Variants in C1GALT1 observed in about 807,000 individuals in gnomAD.
The protein encoded by C1GALT1 is glycoprotein-N-acetylgalactosamine 3-beta-galactosyltransferase 1.
C1GALT1 carries 11 observed loss-of-function variants against 31.0 expected under a neutral mutation model. The ratio of observed to expected loss-of-function variants is 0.36; its 90% CI spans 0.22 to 0.59. The LOEUF (loss-of-function observed/expected upper bound fraction) is 0.59. C1GALT1 is among the 20% of genes least tolerant of loss of function. The probability of loss-of-function intolerance (pLI) is 0.79; values close to 1 mark genes in which losing one functional copy is unlikely to be tolerated. For missense variants in C1GALT1, 424 were observed against 425.2 expected, an observed-to-expected ratio of 1.00 and a Z score of 0.03; for synonymous variants, 175 against 143.6, an observed-to-expected ratio of 1.22 and a Z score of -1.56.
intron 1 of C1GALT1, among the ~76,000 whole-genome samples, chr7:7,233,035 G>A (rs1252721284): frequency 6.6e-6 from 1 of 152,068 alleles, no homozygotes; most frequent in Non-Finnish European, 1.5e-5. Flanking sequence ...TAATTATCTT[G>A]AGGAATAGGA....
At chr7:7,207,222 G>C (rs73674690) in intron 1 of C1GALT1, among the ~76,000 whole-genome samples, 4 of 150,998 alleles carry the variant, frequency 2.6e-5, no homozygotes, top group African/African-American at 9.7e-5. Context: ...GTCTAGATCT[G>C]CCTTTCAGTC....
intron 2 of C1GALT1, chr7:7,235,424 C>T (rs1583830945): frequency 6.6e-6 from 1 of 152,284 alleles, no homozygotes; most frequent in African/African-American, 2.4e-5. Context: ...CATAAACATA[C>T]TATTACAAAG....
chr7:7,182,718 G>A lies in C1GALT1; in HGVS notation c.-120G>A. On this transcript the variant is annotated 5_prime_UTR_variant, in exon 1 of 4. Coordinates refer to ENST00000436587, the MANE Select transcript of C1GALT1 (RefSeq NM_020156.5). ...GCGGGCGGCCTCGGCTAGCGGCCACGAGCCACTTCTGCGGCTGCCCAGAGA... is the reference window on the plus strand; with the variant it reads ...GCGGGCGGCCTCGGCTAGCGGCCACAAGCCACTTCTGCGGCTGCCCAGAGA... The A allele has an allele frequency of 1.2e-6, 1 of 815,450 alleles. No individual in the cohort carries two copies. The highest frequency in any genetic ancestry group is 1.5e-6 in the Non-Finnish European group (1 of 674,494). 50.5% of individuals were successfully genotyped at this position (815,450 alleles called of 1,614,324 possible).
chr7:7,246,334 A>G lies in C1GALT1; in HGVS notation c.*2607A>G, dbSNP rs1783842748. On this transcript the variant is annotated 3_prime_UTR_variant, in exon 4 of 4. Transcript: ENST00000436587. The stretch of plus-strand genomic sequence containing the variant: ...GTATCAGGCTTGGGGCTATTCATGT[A>G]GCATTATTTCCATTTTTATGTATAT... 1.3e-5 allele frequency: 2 copies of G among 152,176 alleles called. No individual in the cohort carries two copies. The highest frequency in any genetic ancestry group is 2.9e-5 in the Non-Finnish European group (2 of 68,026). The allele number at this position is 152,176 out of a possible 1,614,324, so 9.4% of individuals were successfully genotyped here.
chr7:7,232,163 C>G lies in C1GALT1; in HGVS notation c.-17-2140C>G, dbSNP rs546868492. ...TCCTTCCTTCTTCCAGATTTTGGCC[C>G]TACTAATTCTCACTGCCTTGATATC... On this transcript the variant is annotated intron_variant, in intron 1 of 3. Coordinates refer to ENST00000436587, the MANE Select transcript of C1GALT1 (RefSeq NM_020156.5). 5.3e-5 allele frequency among the ~76,000 whole-genome samples: 8 copies of G among 152,304 alleles called. No homozygotes were observed. In the East Asian group the frequency reaches 1.5e-3, roughly 29 times the overall value.
At chr7:7,229,282 A>G (rs2128246435) in intron 1 of C1GALT1, among the ~76,000 whole-genome samples, 1 of 152,302 alleles carries the variant, frequency 6.6e-6, no homozygotes, top group East Asian at 1.9e-4. Flanking sequence ...AGCAATGGAA[A>G]ACCAAGATCA....
chr7:7,162,101 TC>T (rs1286690480), intron 2 of C1GALT1, among the ~76,000 whole-genome samples: 7 of 151,514 alleles, frequency 4.6e-5, no homozygotes, highest in Non-Finnish European at 5.9e-5. Context: ...TAGCTATTTT[TC>T]TTTTTTTAAA....
At chr7:7,181,237 G>A (rs1172245077), upstream of C1GALT1, among the ~76,000 whole-genome samples, 5 of 151,848 alleles carry the variant, frequency 3.3e-5, no homozygotes, top group Non-Finnish European at 7.4e-5. Flanking sequence ...GAAGGATATT[G>A]CGGAAAGGTG....
intron 1 of C1GALT1, among the ~76,000 whole-genome samples, chr7:7,186,061 AT>A (rs11336626): frequency 0.54 from 82,752 of 151,984 alleles, 24,268 homozygotes; most frequent in East Asian, 0.94. Context: ...TGGTGAGGGC[AT>A]TTGCTGGTAG....
chr7:7,215,563 C>G (rs1782198801), intron 1 of C1GALT1, among the ~76,000 whole-genome samples: 1 of 152,114 alleles, frequency 6.6e-6, no homozygotes, highest in African/African-American at 2.4e-5. Context: ...AGACAGAAGC[C>G]ATTTTAAACC....
intron 1 of C1GALT1, among the ~76,000 whole-genome samples, chr7:7,185,644 T>C (rs1177130288): frequency 6.6e-6 from 1 of 152,214 alleles, no homozygotes; most frequent in African/African-American, 2.4e-5. Flanking sequence ...TCAGATGGTG[T>C]GCTCCACTTC....
At chr7:7,186,216 AC>A (rs1477534966) in intron 1 of C1GALT1, among the ~76,000 whole-genome samples, 2 of 152,056 alleles carry the variant, frequency 1.3e-5, no homozygotes, top group African/African-American at 4.8e-5. Flanking sequence ...TGAGGGCTGA[AC>A]CCTTAGTACC....
At chr7:7,221,791 T>C (rs1393511024) in intron 1 of C1GALT1, among the ~76,000 whole-genome samples, 1 of 152,232 alleles carries the variant, frequency 6.6e-6, no homozygotes, top group Admixed American at 6.5e-5. Context: ...AGACTCCTAG[T>C]GTCTGTTGAT....
intron 1 of C1GALT1, among the ~76,000 whole-genome samples, chr7:7,197,903 T>G (rs559413668): frequency 6.6e-6 from 1 of 152,380 alleles, no homozygotes; most frequent in East Asian, 1.9e-4. Flanking sequence ...CCTGAGACTT[T>G]GCTGAAGTTG....
intron 1 of C1GALT1, among the ~76,000 whole-genome samples, chr7:7,188,181 G>A (rs1468585288): frequency 6.6e-6 from 1 of 152,164 alleles, no homozygotes; most frequent in African/African-American, 2.4e-5. Context: ...ATTGGATTTG[G>A]GGTGAAGATA....
chr7:7,226,611 G>C (rs904616160), intron 1 of C1GALT1, among the ~76,000 whole-genome samples: 1 of 152,170 alleles, frequency 6.6e-6, no homozygotes, highest in African/African-American at 2.4e-5. Flanking sequence ...AAAGTTCTTA[G>C]GGAGAAGAAA....
intron 1 of C1GALT1, among the ~76,000 whole-genome samples, chr7:7,225,149 G>A (rs1782697662): frequency 6.6e-6 from 1 of 151,840 alleles, no homozygotes; most frequent in Non-Finnish European, 1.5e-5. Context: ...TCTTGCTTTG[G>A]GTTTATTGTG....
At chr7:7,236,168 G>C (rs975792348) in intron 2 of C1GALT1, among the ~76,000 whole-genome samples, 2 of 152,046 alleles carry the variant, frequency 1.3e-5, no homozygotes, top group Non-Finnish European at 2.9e-5. Flanking sequence ...TTATTGGTTT[G>C]TGTGTCAGGC....
intron 1 of C1GALT1, among the ~76,000 whole-genome samples, chr7:7,207,335 C>CCT (rs1781785674): frequency 4.2e-5 from 2 of 47,972 alleles, no homozygotes; most frequent in African/African-American, 8.0e-5. Context: ...TACTCTGTTG[C>CCT]TTTTTTTTTT....
Sources: allele counts gnomAD v4.1 joint callset (sites outside exome capture counted in the v4.1 genomes callset), GRCh38; gene constraint gnomAD v4.1.1; transcripts MANE v1.5; gene names NCBI Gene and HGNC (gene_info 2026-07-23, HGNC 2026-07-21).